NUMB: variants seen among roughly 807,000 people sequenced by gnomAD.
The protein encoded by NUMB is protein numb homolog.
NUMB carries 29 observed loss-of-function variants against 59.7 expected under a neutral mutation model. The observed-to-expected ratio is 0.49, with a 90% CI of 0.36 to 0.66. The LOEUF (loss-of-function observed/expected upper bound fraction) is 0.66, where lower values mean the gene tolerates loss of function less well. Among genes scored for constraint, NUMB ranks in the 30% least tolerant of loss-of-function variants. NUMB has a pLI of 0.00. For synonymous variants in NUMB, 288 were observed against 288.2 expected (o/e 1.00, Z 0.01); for missense variants, 723 against 822.0 (o/e 0.88, Z 1.47).
Position 73,276,596 on chromosome 14 carries a change from C to T in NUMB, c.1938G>A (p.Thr646=), listed in dbSNP as rs117957039. The change falls in exon 13 of 13, where the codon ACG becomes ACA. Residue 646 remains threonine (T), a synonymous_variant. Transcript: ENST00000555238. ...TGATTGCTTAAAGTTCAATTTCAAA[C>T]GTCTTCTGTAAGTCACTGGAGAAAG... ...TNPFSSDLQK[T]FEIEL is the part of the protein sequence containing the mutation. 2.0e-3 allele frequency: 3,214 copies of T among 1,612,212 alleles called. 7 individuals are homozygous for T. The highest frequency in any genetic ancestry group is 2.3e-3 in the Non-Finnish European group (2,686 of 1,178,598).
intron 4 of NUMB, among the ~76,000 whole-genome samples, chr14:73,335,453 G>GAGAT (rs1892258490): frequency 1.3e-5 from 2 of 152,014 alleles, no homozygotes; most frequent in African/African-American, 4.8e-5. Flanking sequence ...CATTATTAAA[G>GAGAT]AGATCCCTTT....
rs1888094582 is a variant in NUMB at position 73,275,521 on chromosome 14, A to G, written c.*1057T>C. The G allele has an allele frequency of 6.6e-6, 1 of 152,246 alleles. No individual in the cohort carries two copies. Among genetic ancestry groups the G allele is most frequent in the African/African-American group, 2.4e-5 (1 of 41,466 alleles). 9.4% of individuals were successfully genotyped at this position (152,246 alleles called of 1,614,324 possible). Reference sequence around the variant, plus strand: ...GACCCATATTACAAACCAATATGGTAACCTGTGTTCCCTTCTATGGTATGA... The same window carrying G: ...GACCCATATTACAAACCAATATGGTGACCTGTGTTCCCTTCTATGGTATGA... On this transcript the variant is annotated 3_prime_UTR_variant, in exon 13 of 13. Transcript: ENST00000555238.
chr14:73,411,339 C>A (rs1458844689), intron 1 of NUMB, among the ~76,000 whole-genome samples: 2 of 99,810 alleles, frequency 2.0e-5, no homozygotes. Context: ...TTAATTATAA[C>A]CTCTTTAAAC....
chr14:73,298,407 G>A (rs755544501), intron 6 of NUMB: 3 of 152,140 alleles, frequency 2.0e-5, no homozygotes, highest in African/African-American at 7.2e-5. Context: ...ACATTTTGGG[G>A]ACACAGGAAG....
chr14:73,347,763 C>G (rs1201233061), intron 4 of NUMB, among the ~76,000 whole-genome samples: 1 of 152,182 alleles, frequency 6.6e-6, no homozygotes, highest in African/African-American at 2.4e-5. Flanking sequence ...TTTGAACAAG[C>G]CTATTTCACT....
At chr14:73,360,676 TG>T (rs1380461053) in intron 3 of NUMB, among the ~76,000 whole-genome samples, 1 of 152,174 alleles carries the variant, frequency 6.6e-6, no homozygotes, top group African/African-American at 2.4e-5. Flanking sequence ...ACTCTAGGCC[TG>T]TTGTTTCCTT....
At chr14:73,308,866 G>C (rs918021297) in intron 6 of NUMB, among the ~76,000 whole-genome samples, 17 of 152,306 alleles carry the variant, frequency 1.1e-4, no homozygotes, top group East Asian at 1.9e-4. Context: ...GTCTGAGTAA[G>C]GCGATAGGAC....
At chr14:73,344,697 C>T (rs74489192) in intron 4 of NUMB, among the ~76,000 whole-genome samples, 3,066 of 152,178 alleles carry the variant, frequency 0.02, 103 homozygotes, top group African/African-American at 0.07. Flanking sequence ...AATAATGAGA[C>T]CAAATAACAT....
chr14:73,422,494 T>A (rs1897392471), intron 1 of NUMB, among the ~76,000 whole-genome samples: 2 of 152,176 alleles, frequency 1.3e-5, no homozygotes, highest in South Asian at 4.1e-4. Context: ...TATTTGTTTG[T>A]GTTACTATAA....
At chr14:73,414,779 G>T (rs1164179184) in intron 1 of NUMB, among the ~76,000 whole-genome samples, 1 of 152,162 alleles carries the variant, frequency 6.6e-6, no homozygotes, top group African/African-American at 2.4e-5. Flanking sequence ...GAGTGCAGTA[G>T]CGTGATCTCA....
intron 1 of NUMB, among the ~76,000 whole-genome samples, chr14:73,417,935 T>C (rs1897200849): frequency 6.6e-6 from 1 of 152,092 alleles, no homozygotes; most frequent in South Asian, 2.1e-4. Context: ...TGAAACCCCA[T>C]CTCTACTAAA....
rs12586888 is a variant in NUMB, at chr14:73,387,093, G to A, written c.-100-20112C>T. ...GAGACGGGGTTTCACCGTTTTAGCCGGGATGGTCTCGATCTCCTGACCTCG... is the reference window on the plus strand; with the variant it reads ...GAGACGGGGTTTCACCGTTTTAGCCAGGATGGTCTCGATCTCCTGACCTCG... On this transcript the variant is annotated intron_variant, in intron 2 of 12. Transcript: ENST00000555238. Among the ~76,000 whole-genome samples, 260 of 150,246 alleles carry A rather than the reference G, an allele frequency of 1.7e-3. 7 individuals are homozygous for A. The East Asian group carries it at 0.043, about 25-fold the overall frequency.
At chr14:73,322,441 G>A (rs1045237267) in intron 5 of NUMB, among the ~76,000 whole-genome samples, 1 of 152,158 alleles carries the variant, frequency 6.6e-6, no homozygotes, top group Non-Finnish European at 1.5e-5. Context: ...TTATGTAAAA[G>A]GCAGTAGAAA....
At chr14:73,439,109 T>C (rs954124439) in intron 1 of NUMB, among the ~76,000 whole-genome samples, 1 of 152,196 alleles carries the variant, frequency 6.6e-6, no homozygotes, top group African/African-American at 2.4e-5. Context: ...AATAATTAGA[T>C]GATTTAGTGA....
intron 2 of NUMB, among the ~76,000 whole-genome samples, chr14:73,373,523 A>G (rs1894803989): frequency 6.6e-6 from 1 of 152,160 alleles, no homozygotes; most frequent in East Asian, 1.9e-4. Context: ...TGGGACTTAC[A>G]TTCTAGTTGT....
intron 11 of NUMB, chr14:73,281,331 T>C (rs1376549758): frequency 1.3e-5 from 2 of 152,138 alleles, no homozygotes; most frequent in Non-Finnish European, 2.9e-5. Context: ...TACCACAATG[T>C]GGCAAGCAAT....
At chr14:73,423,416 A>C (rs1444514288) in intron 1 of NUMB, among the ~76,000 whole-genome samples, 4 of 151,892 alleles carry the variant, frequency 2.6e-5, no homozygotes, top group African/African-American at 9.7e-5. Context: ...AGGCAGGCGG[A>C]TCACCTGAGG....
chr14:73,355,797 G>C (rs747220918), intron 3 of NUMB, 31 bp from the exon 4 acceptor site: 1 of 1,521,350 alleles, frequency 6.6e-7, no homozygotes, highest in South Asian at 1.2e-5. Context: ...ATATTTAAAA[G>C]AAATATTACC....
intron 1 of NUMB, among the ~76,000 whole-genome samples, chr14:73,439,374 G>A (rs915571557): frequency 2.0e-5 from 3 of 151,852 alleles, no homozygotes; most frequent in African/African-American, 7.3e-5. Context: ...AAAAACAGGG[G>A]GAAAAAGACC....
Sources: allele counts gnomAD v4.1 joint callset (sites outside exome capture counted in the v4.1 genomes callset), GRCh38; gene constraint gnomAD v4.1.1; transcripts MANE v1.5; gene names NCBI Gene and HGNC (gene_info 2026-07-23, HGNC 2026-07-21).